The following HDAC9 variants were observed in gnomAD, a reference collection of about 807,000 sequenced individuals.
HDAC9 encodes the protein histone deacetylase 9.
A neutral mutation model predicts 139.4 loss-of-function variants in HDAC9; 41 were observed. The ratio of observed to expected loss-of-function variants is 0.29; its 90% confidence interval spans 0.23 to 0.38. The LOEUF is 0.38. HDAC9 is among the 10% of genes least tolerant of loss of function. The pLI is 1.00. For missense variants in HDAC9, 1,147 were observed against 1,297.0 expected (o/e 0.88, Z 1.78); for synonymous variants, 517 against 476.2 (o/e 1.09, Z -1.12).
chr7:18,780,266 A>G (rs1791133775), intron 16 of HDAC9, among the ~76,000 whole-genome samples: 1 of 152,076 alleles, frequency 6.6e-6, no homozygotes, highest in Admixed American at 6.6e-5. Flanking sequence ...GGGATCAAAT[A>G]TGTCATTACT....
chr7:18,476,500 AG>A (rs1386525065), intron 1 of HDAC9, among the ~76,000 whole-genome samples: 1 of 151,470 alleles, frequency 6.6e-6, no homozygotes, highest in Non-Finnish European at 1.5e-5. Context: ...ATCTGCCTCT[AG>A]GGGACTTAAA....
intron 21 of HDAC9, among the ~76,000 whole-genome samples, chr7:18,860,363 C>G (rs149569158): frequency 6.6e-6 from 1 of 152,088 alleles, no homozygotes; most frequent in East Asian, 1.9e-4. Flanking sequence ...CATTTGTGTT[C>G]TATTTTCTAT....
chr7:18,355,570 T>G (rs1261334219), intron 1 of HDAC9, among the ~76,000 whole-genome samples: 1 of 152,184 alleles, frequency 6.6e-6, no homozygotes, highest in Non-Finnish European at 1.5e-5. Context: ...AATGGACTGT[T>G]GGACTGCATG....
intron 12 of HDAC9, among the ~76,000 whole-genome samples, chr7:18,704,015 G>A (rs187425280): frequency 2.0e-5 from 3 of 152,294 alleles, no homozygotes; most frequent in African/African-American, 7.2e-5. Context: ...TAGAGGAGGA[G>A]GGTGGCTTGG....
chr7:18,300,615 A>G (rs1022718445), intron 1 of HDAC9, among the ~76,000 whole-genome samples: 2 of 152,158 alleles, frequency 1.3e-5, no homozygotes, highest in African/African-American at 4.8e-5. Flanking sequence ...AGATTGACTT[A>G]GTTTTTCAGT....
At chr7:18,796,057 TC>T in intron 17 of HDAC9, among the ~76,000 whole-genome samples, 1 of 152,322 alleles carries the variant, frequency 6.6e-6, no homozygotes, top group East Asian at 1.9e-4. Context: ...TCCCAGTAAA[TC>T]AACATTTAAT....
intron 1 of HDAC9, among the ~76,000 whole-genome samples, chr7:18,460,073 C>T (rs979531084): frequency 2.6e-5 from 4 of 151,632 alleles, no homozygotes; most frequent in Non-Finnish European, 5.9e-5. Context: ...ACATGTACTA[C>T]CACGCACCAC....
chr7:18,459,760 A>C lies in HDAC9; in HGVS notation c.-41-36502A>C, dbSNP rs370088313. The stretch of plus-strand genomic sequence containing the variant: ...CTACATCATATAACTTCCTTATTAA[A>C]GTGAAAGGAAATTCCCTTTTGGTTT... On this transcript the variant is annotated intron_variant, in intron 1 of 3. Coordinates refer to the HDAC9 transcript ENST00000413509. 2.0e-3 allele frequency among the ~76,000 whole-genome samples: 300 copies of C among 152,252 alleles called. 1 individual carries two copies. The highest frequency in any genetic ancestry group is 6.0e-3 in the African/African-American group (248 of 41,560).
chr7:18,402,878 C>A (rs922613998), intron 1 of HDAC9, among the ~76,000 whole-genome samples: 2 of 151,966 alleles, frequency 1.3e-5, no homozygotes, highest in Non-Finnish European at 2.9e-5. Flanking sequence ...GGTGGCATAG[C>A]AAATCTAAAA....
At chr7:18,628,211 C>T (rs928267710) in intron 6 of HDAC9, among the ~76,000 whole-genome samples, 4 of 152,074 alleles carry the variant, frequency 2.6e-5, no homozygotes, top group Admixed American at 6.6e-5. Context: ...GCAACATTTT[C>T]AGTATTTAGA....
At chr7:18,146,270 T>C (rs1253011934) in intron 1 of HDAC9, among the ~76,000 whole-genome samples, 1 of 152,166 alleles carries the variant, frequency 6.6e-6, no homozygotes, top group African/African-American at 2.4e-5. Context: ...TATCTAATAG[T>C]CCATTAGTAC....
At chr7:18,204,315 T>C (rs1015787383) in intron 2 of HDAC9, among the ~76,000 whole-genome samples, 1 of 150,576 alleles carries the variant, frequency 6.6e-6, no homozygotes, top group Non-Finnish European at 1.5e-5. Context: ...GCACCACAAA[T>C]ACCTATTTGA....
intron 2 of HDAC9, among the ~76,000 whole-genome samples, chr7:18,221,106 C>CTT (rs537033538): frequency 1.6e-4 from 22 of 139,670 alleles, no homozygotes; most frequent in African/African-American, 4.9e-4. Context: ...ATTTCTATTC[C>CTT]TTTTTTTTTT....
chr7:18,926,256 G>C (rs750958523), intron 22 of HDAC9, among the ~76,000 whole-genome samples: 5 of 152,116 alleles, frequency 3.3e-5, no homozygotes, highest in Admixed American at 6.6e-5. Flanking sequence ...ACTGAGGTGG[G>C]AGGATTGTTT....
intron 22 of HDAC9, among the ~76,000 whole-genome samples, chr7:18,912,317 C>T (rs984445756): frequency 6.6e-5 from 10 of 152,038 alleles, no homozygotes; most frequent in East Asian, 1.9e-4. Context: ...ACATAAAAAC[C>T]TTTACCCCTA....
intron 16 of HDAC9, among the ~76,000 whole-genome samples, chr7:18,772,609 A>G (rs900931208): frequency 6.6e-6 from 1 of 152,084 alleles, no homozygotes; most frequent in Non-Finnish European, 1.5e-5. Flanking sequence ...TCAAAGAGGT[A>G]TCACAAACTT....
At chr7:18,813,782 T>A (rs1182274688) in intron 17 of HDAC9, among the ~76,000 whole-genome samples, 3 of 152,178 alleles carry the variant, frequency 2.0e-5, no homozygotes, top group African/African-American at 7.2e-5. Flanking sequence ...TCTGAAAAGT[T>A]TCAAACAAAT....
At chr7:18,187,398 G>A (rs1178039313) in intron 2 of HDAC9, among the ~76,000 whole-genome samples, 1 of 152,288 alleles carries the variant, frequency 6.6e-6, no homozygotes, top group Non-Finnish European at 1.5e-5. Context: ...TTTCTAGCAA[G>A]TGGCTTTTCT....
chr7:18,638,130 T>C lies in HDAC9; in HGVS notation c.912+3388T>C, dbSNP rs1048018618. Among the ~76,000 whole-genome samples the C allele has an allele frequency of 2.0e-5, 3 of 152,238 alleles. No homozygotes were observed. In the South Asian group the frequency reaches 6.2e-4, roughly 32 times the overall value. On this transcript the variant is annotated intron_variant, in intron 8 of 25. Coordinates refer to ENST00000686413, the MANE Select transcript of HDAC9 (RefSeq NM_178425.4). ...AATTGGCTTATTTTACTGTTTTTGC[T>C]TAAGCAACACTGGTAAGTTTTCGTA...
Sources: allele counts gnomAD v4.1 joint callset (sites outside exome capture counted in the v4.1 genomes callset), GRCh38; gene constraint gnomAD v4.1.1; transcripts MANE v1.5; gene names NCBI Gene and HGNC (gene_info 2026-07-23, HGNC 2026-07-21).